LRP1B: variants seen among roughly 807,000 people sequenced by gnomAD.
LRP1B encodes the protein low-density lipoprotein receptor-related protein 1B.
Under a neutral mutation model 556.6 loss-of-function variants are expected in LRP1B, and 217 were observed. That is an observed-to-expected ratio of 0.39 (90% CI 0.35 to 0.44). The LOEUF (loss-of-function observed/expected upper bound fraction) is 0.44, where lower values mean the gene tolerates loss of function less well. LRP1B is among the 20% of genes least tolerant of loss of function. The pLI, the probability that LRP1B is intolerant of heterozygous loss-of-function variation, is 1.00. For missense variants in LRP1B, 5,053 were observed against 5,620.8 expected (o/e 0.90, Z 3.23); for synonymous variants, 2,047 against 1,865.8 (o/e 1.10, Z -2.50).
intron 1 of LRP1B, among the ~76,000 whole-genome samples, chr2:141,862,786 G>T (rs982062855): frequency 2.6e-5 from 4 of 152,114 alleles, no homozygotes; most frequent in African/African-American, 9.7e-5. Flanking sequence ...ACAAACTCAG[G>T]TTAATTTTGA....
intron 78 of LRP1B, 106 bp from the exon 79 acceptor site, chr2:140,334,665 C>T (rs1680979678): frequency 5.1e-6 from 3 of 585,496 alleles, no homozygotes; most frequent in Non-Finnish European, 9.1e-6. Flanking sequence ...AGAATCACCC[C>T]AGAGTCTCTT....
At chr2:140,296,149 C>T (rs1301305340) in intron 84 of LRP1B, among the ~76,000 whole-genome samples, 1 of 152,042 alleles carries the variant, frequency 6.6e-6, no homozygotes, top group Non-Finnish European at 1.5e-5. Flanking sequence ...GTTTTGAGTG[C>T]CAACATGATG....
Position 141,966,977 on chromosome 2 carries a change from C to T in LRP1B, c.83-156576G>A, listed in dbSNP as rs114719941. 6.0e-3 allele frequency among the ~76,000 whole-genome samples: 918 copies of T among 151,936 alleles called. 14 individuals carry two copies. Among genetic ancestry groups the T allele is most frequent in the African/African-American group, 0.021 (878 of 41,498 alleles). ...CAGTTTCCCTAAGTCAAGTCTATAA[C>T]GTCCTGTGGACAATCATTCCCATTT... On this transcript the variant is annotated intron_variant, in intron 1 of 90. Transcript: ENST00000389484.
chr2:140,517,540 A>G (rs1689960502), intron 49 of LRP1B, among the ~76,000 whole-genome samples: 1 of 152,132 alleles, frequency 6.6e-6, no homozygotes, highest in Admixed American at 6.5e-5. Flanking sequence ...TTAAGGAAGA[A>G]TAAACGAGTT....
chr2:141,771,637 T>C (rs1488810650), intron 2 of LRP1B, among the ~76,000 whole-genome samples: 1 of 152,150 alleles, frequency 6.6e-6, no homozygotes, highest in Non-Finnish European at 1.5e-5. Flanking sequence ...ATGAACTGAA[T>C]GTTTGTGTCC....
At chr2:141,153,238 T>C (rs1299829779) in intron 7 of LRP1B, among the ~76,000 whole-genome samples, 1 of 127,328 alleles carries the variant, frequency 7.9e-6, no homozygotes, top group Non-Finnish European at 1.6e-5. Flanking sequence ...ATATATATAA[T>C]TTGTATATAT....
chr2:140,926,650 A>G (rs1158985608), intron 20 of LRP1B, among the ~76,000 whole-genome samples: 1 of 152,132 alleles, frequency 6.6e-6, no homozygotes, highest in Non-Finnish European at 1.5e-5. Flanking sequence ...GCTAATGTCC[A>G]TGATTTTTAG....
At chr2:140,428,997 C>T (rs575721190) in intron 66 of LRP1B, among the ~76,000 whole-genome samples, 32 of 152,184 alleles carry the variant, frequency 2.1e-4, no homozygotes, top group East Asian at 1.4e-3. Context: ...GCCTCCTTTG[C>T]GTTCTCCTCT....
intron 5 of LRP1B, among the ~76,000 whole-genome samples, chr2:141,237,283 T>G (rs902557686): frequency 1.4e-4 from 21 of 151,986 alleles, no homozygotes; most frequent in Non-Finnish European, 2.9e-4. Context: ...AAGATGATGA[T>G]TTCAGTGTTG....
chr2:140,677,042 G>A (rs902893357), intron 41 of LRP1B, among the ~76,000 whole-genome samples: 4 of 152,216 alleles, frequency 2.6e-5, no homozygotes, highest in Admixed American at 6.5e-5. Context: ...CACTTCTTAG[G>A]GAAGAAAAGC....
At chr2:141,897,054 T>C (rs1436064238) in intron 1 of LRP1B, among the ~76,000 whole-genome samples, 1 of 152,148 alleles carries the variant, frequency 6.6e-6, no homozygotes, top group Non-Finnish European at 1.5e-5. Flanking sequence ...ATAAATTACA[T>C]GTTCATAGGA....
chr2:141,443,623 G>A (rs189772581), intron 3 of LRP1B, among the ~76,000 whole-genome samples: 4 of 152,152 alleles, frequency 2.6e-5, no homozygotes, highest in Non-Finnish European at 5.9e-5. Flanking sequence ...TAAGGAAGGG[G>A]TACAATTTCA....
chr2:140,236,784 T>C (rs1310897616), intron 89 of LRP1B, among the ~76,000 whole-genome samples: 3 of 150,942 alleles, frequency 2.0e-5, no homozygotes, highest in Admixed American at 1.3e-4. Context: ...CTTATTTTGA[T>C]AATAAAGTAC....
chr2:141,535,103 C>T (rs2105198881), intron 2 of LRP1B, among the ~76,000 whole-genome samples: 1 of 152,234 alleles, frequency 6.6e-6, no homozygotes, highest in Non-Finnish European at 1.5e-5. Flanking sequence ...GTGAGTCCAT[C>T]TTCTAACAAT....
rs555692921 is a variant in LRP1B, at chr2:140,667,423, T to C, written c.6799+32827A>G. Among the ~76,000 whole-genome samples, 21 of 152,330 alleles carry C rather than the reference T, an allele frequency of 1.4e-4. No homozygotes were observed. The South Asian group carries it at 4.4e-3, about 32-fold the overall frequency. On this transcript the variant is annotated intron_variant, in intron 41 of 90. Coordinates refer to ENST00000389484, the MANE Select transcript of LRP1B (RefSeq NM_018557.3). The stretch of plus-strand genomic sequence containing the variant: ...TTGATACATGAGTGCACACCTAGGT[T>C]TGCTAAGGCTCCAAGCTAGAATGAC...
intron 7 of LRP1B, among the ~76,000 whole-genome samples, chr2:141,087,756 C>T (rs1270455623): frequency 2.0e-5 from 3 of 152,062 alleles, no homozygotes; most frequent in Non-Finnish European, 2.9e-5. Context: ...AGGAGTTTGC[C>T]GGATCAATTT....
At chr2:141,153,735 G>A (rs1701996743) in intron 7 of LRP1B, among the ~76,000 whole-genome samples, 2 of 149,976 alleles carry the variant, frequency 1.3e-5, no homozygotes, top group African/African-American at 2.4e-5. Context: ...TGGGAGCTAG[G>A]AAATATCTTC....
intron 1 of LRP1B, among the ~76,000 whole-genome samples, chr2:142,002,212 T>C (rs570537877): frequency 2.0e-5 from 3 of 152,312 alleles, no homozygotes; most frequent in Middle Eastern, 3.4e-3. Flanking sequence ...GTAACCAGTA[T>C]TGATCTATTA....
At chr2:141,411,781 G>T (rs1690861606) in intron 3 of LRP1B, among the ~76,000 whole-genome samples, 1 of 152,018 alleles carries the variant, frequency 6.6e-6, no homozygotes, top group Non-Finnish European at 1.5e-5. Flanking sequence ...AAGCATTGCT[G>T]ATAAAAATAT....
Sources: allele counts gnomAD v4.1 joint callset (sites outside exome capture counted in the v4.1 genomes callset), GRCh38; gene constraint gnomAD v4.1.1; transcripts MANE v1.5; gene names NCBI Gene and HGNC (gene_info 2026-07-23, HGNC 2026-07-21).